Variants in ROBO1 observed in about 807,000 individuals in gnomAD.
ROBO1 encodes the protein roundabout homolog 1.
A neutral mutation model predicts 195.9 loss-of-function variants in ROBO1; 149 were observed. The observed-to-expected ratio is 0.76, with a 90% CI of 0.67 to 0.87. ROBO1 has a LOEUF of 0.87. ROBO1 is among the 40% of genes least tolerant of loss of function. The probability of loss-of-function intolerance (pLI) is 0.00; values close to 1 mark genes in which losing one functional copy is unlikely to be tolerated. For missense variants in ROBO1, 1,933 were observed against 2,068.3 expected (o/e 0.93, Z 1.27); for synonymous variants, 816 against 733.2 (o/e 1.11, Z -1.82).
rs1269994333 is a variant in ROBO1 at position 78,862,656 on chromosome 3, T to C, written c.499+75945A>G. Among the ~76,000 whole-genome samples, 3 of 152,222 alleles carry C rather than the reference T, an allele frequency of 2.0e-5. No individual in the cohort carries two copies. The East Asian group carries it at 5.8e-4, about 29-fold the overall frequency. On this transcript the variant is annotated intron_variant, in intron 4 of 30. Coordinates refer to ENST00000464233, the MANE Select transcript of ROBO1 (RefSeq NM_002941.4). ...GAGTACCATAGGATTGATTAATCCA[T>C]GAAAAGTCAACAACAAGGAAAGCCT...
At chr3:79,621,103 C>G (rs1161881928) in intron 1 of ROBO1, among the ~76,000 whole-genome samples, 2 of 152,174 alleles carry the variant, frequency 1.3e-5, no homozygotes, top group Non-Finnish European at 2.9e-5. Context: ...ATCCCAGCCT[C>G]TCTTCCCTTT....
At chr3:79,654,529 A>C (rs1946103719) in intron 1 of ROBO1, among the ~76,000 whole-genome samples, 1 of 152,070 alleles carries the variant, frequency 6.6e-6, no homozygotes. Context: ...AAAAGTAGAA[A>C]TCGCATTCCT....
At chr3:79,397,966 A>G (rs553994148) in intron 2 of ROBO1, among the ~76,000 whole-genome samples, 63 of 152,194 alleles carry the variant, frequency 4.1e-4, no homozygotes, top group African/African-American at 1.5e-3. Context: ...TTAAAAAATC[A>G]TATGTAGTTA....
intron 2 of ROBO1, among the ~76,000 whole-genome samples, chr3:79,575,149 AAT>A (rs1312516929): frequency 1.7e-4 from 8 of 47,604 alleles, no homozygotes; most frequent in African/African-American, 5.7e-4. Context: ...CAAATATATA[AAT>A]ATATATATAA....
intron 10 of ROBO1, among the ~76,000 whole-genome samples, chr3:78,678,359 C>T (rs965822049): frequency 2.0e-5 from 3 of 151,932 alleles, no homozygotes; most frequent in African/African-American, 4.8e-5. Context: ...ACACAAAAAA[C>T]CCTTCAAAAA....
chr3:79,128,427 A>T (rs2080258260), intron 2 of ROBO1, among the ~76,000 whole-genome samples: 1 of 152,196 alleles, frequency 6.6e-6, no homozygotes, highest in Non-Finnish European at 1.5e-5. Flanking sequence ...TAATAGATAA[A>T]TTAGTAAAGA....
In ROBO1 at chr3:79,065,488, G is replaced by A. The variant is rs542307979; in HGVS notation, c.172+59968C>T. Among the ~76,000 whole-genome samples, 13 of 152,028 alleles carry A rather than the reference G, an allele frequency of 8.6e-5. No homozygotes were observed. The East Asian group carries it at 9.7e-4, about 11-fold the overall frequency. ...GGAAATGAGGACTTCTTGGAAAAGC[G>A]GTGGAGTTTAGGGCACAAAATGTAC... On this transcript the variant is annotated intron_variant, in intron 3 of 30. Transcript: ENST00000464233.
chr3:79,246,720 T>C (rs1037512768), intron 2 of ROBO1, among the ~76,000 whole-genome samples: 5 of 152,072 alleles, frequency 3.3e-5, no homozygotes, highest in African/African-American at 7.2e-5. Context: ...AACAGTATGT[T>C]ATATATAACT....
chr3:79,052,448 T>C (rs1266108747), intron 3 of ROBO1, among the ~76,000 whole-genome samples: 2 of 152,116 alleles, frequency 1.3e-5, no homozygotes, highest in African/African-American at 2.4e-5. Flanking sequence ...AGTCTGGCCA[T>C]GTGATCTCAC....
chr3:79,337,920 C>A (rs990870337), intron 2 of ROBO1, among the ~76,000 whole-genome samples: 1 of 151,996 alleles, frequency 6.6e-6, no homozygotes, highest in African/African-American at 2.4e-5. Context: ...AAAGGCAAAA[C>A]AAAATATTAT....
At chr3:79,592,111 G>A (rs1441006931) in intron 1 of ROBO1, among the ~76,000 whole-genome samples, 2 of 151,876 alleles carry the variant, frequency 1.3e-5, no homozygotes, top group African/African-American at 4.8e-5. Flanking sequence ...TTTTGTATCT[G>A]TGGCTAATTA....
chr3:78,928,829 T>G (rs770451988), intron 4 of ROBO1, among the ~76,000 whole-genome samples: 1 of 152,218 alleles, frequency 6.6e-6, no homozygotes, highest in Non-Finnish European at 1.5e-5. Flanking sequence ...CTACATTAAA[T>G]GCTGGCTCTT....
intron 2 of ROBO1, among the ~76,000 whole-genome samples, chr3:79,140,352 TTAGA>T (rs1397824198): frequency 6.6e-6 from 1 of 152,140 alleles, no homozygotes; most frequent in Non-Finnish European, 1.5e-5. Context: ...TATCATTTAT[TTAGA>T]TAATCAATAT....
rs1197907929 is a variant in ROBO1, at chr3:79,163,697, TTTG to T, written c.89-38161_89-38159del. ...TCCTTGCCAACACTTGTTTTCAGGT[TTTG>T]TTGTTGTTGTTGTTGTTTTTTATAG... is the stretch of plus-strand genomic sequence containing the variant. On this transcript the variant is annotated intron_variant, in intron 2 of 30. Transcript: ENST00000464233. 5.3e-5 allele frequency among the ~76,000 whole-genome samples: 8 copies of T among 152,120 alleles called. 1 individual carries two copies. In the South Asian group the frequency reaches 1.7e-3, roughly 32 times the overall value.
At chr3:79,420,717 T>A (rs1178642290) in intron 2 of ROBO1, among the ~76,000 whole-genome samples, 2 of 152,060 alleles carry the variant, frequency 1.3e-5, no homozygotes, top group Admixed American at 1.3e-4. Context: ...AAAGAACCCA[T>A]TAAAAATTAA....
At chr3:79,051,048 T>C (rs1012972589) in intron 3 of ROBO1, among the ~76,000 whole-genome samples, 2 of 151,604 alleles carry the variant, frequency 1.3e-5, no homozygotes, top group African/African-American at 4.8e-5. Flanking sequence ...ACACAAGAAA[T>C]TACTAAGATC....
At chr3:79,663,932 C>CA (rs1946401036) in intron 1 of ROBO1, among the ~76,000 whole-genome samples, 1 of 152,050 alleles carries the variant, frequency 6.6e-6, no homozygotes, top group Non-Finnish European at 1.5e-5. Context: ...TGCACTAGAA[C>CA]AGCTGCCACA....
intron 3 of ROBO1, among the ~76,000 whole-genome samples, chr3:78,957,533 A>C (rs1560047480): frequency 6.6e-6 from 1 of 152,194 alleles, no homozygotes; most frequent in Non-Finnish European, 1.5e-5. Context: ...AACTGCATGC[A>C]ACACGGTTAC....
At chr3:78,685,657 T>C in intron 10 of ROBO1, 89 bp downstream of exon 10, 1 of 850,436 alleles carries the variant, frequency 1.2e-6, no homozygotes, top group Non-Finnish European at 1.7e-6. Flanking sequence ...TAAAAAGGTA[T>C]AAAGTTGGAA....
Sources: allele counts gnomAD v4.1 joint callset (sites outside exome capture counted in the v4.1 genomes callset), GRCh38; gene constraint gnomAD v4.1.1; transcripts MANE v1.5; gene names NCBI Gene and HGNC (gene_info 2026-07-23, HGNC 2026-07-21).